The following SERPINF2 variants were observed in gnomAD, a reference collection of about 807,000 sequenced individuals.
SERPINF2 encodes serpin family F member 2.
SERPINF2 carries 15 observed loss-of-function variants against 45.0 expected under a neutral mutation model. The ratio of observed to expected loss-of-function variants is 0.33; its 90% CI spans 0.22 to 0.51. The LOEUF is 0.51. Ranked by LOEUF, SERPINF2 falls within the 20% of genes least tolerant of loss-of-function variation. SERPINF2 has a pLI of 0.97. For missense variants in SERPINF2, 518 were observed against 637.4 expected, an observed-to-expected ratio of 0.81 and a Z score of 2.02; for synonymous variants, 283 against 277.9, an observed-to-expected ratio of 1.02 and a Z score of -0.18.
intron 7 of SERPINF2, among the ~76,000 whole-genome samples, chr17:1,748,144 C>T (rs943517570): frequency 6.6e-6 from 1 of 151,734 alleles, no homozygotes; most frequent in Non-Finnish European, 1.5e-5. Context: ...GCTAAAAATA[C>T]AAAAAAATTA....
Position 1,745,985 on chromosome 17 carries a change from G to C in SERPINF2, c.367+76G>C. 6.6e-7 allele frequency: 1 copy of C among 1,512,180 alleles called. No homozygotes were observed. Among genetic ancestry groups the C allele is most frequent in the Non-Finnish European group, 9.2e-7 (1 of 1,088,670 alleles). The allele number at this position is 1,512,180 out of a possible 1,614,324, so 93.7% of individuals were successfully genotyped here. A position where few individuals can be genotyped will look rare whatever the true frequency, so the allele number is the denominator to read the frequency against. ...ACTCAGTACTCCAATGGTTCTCCGC[G>C]GGCGGTTCCTCCACCAGGGTCACGT... On this transcript the variant is annotated intron_variant, in intron 5 of 9. Coordinates refer to ENST00000453066, the MANE Select transcript of SERPINF2 (RefSeq NM_000934.4). The surrounding 1 kb of genome is among the most constrained non-coding windows in gnomAD (Gnocchi z 6.2).
At position 1,745,155 on chromosome 17, in the gene SERPINF2, C is replaced by T. The variant is rs1454988758; in HGVS notation, c.64-20C>T. 1 of 1,579,888 alleles carries T rather than the reference C, an allele frequency of 6.3e-7. No individual in the cohort carries two copies. Among genetic ancestry groups the T allele is most frequent in the African/African-American group, 1.4e-5 (1 of 73,980 alleles). On this transcript the variant is annotated intron_variant, in intron 2 of 9. Transcript: ENST00000453066. The surrounding 1 kb of genome is among the most constrained non-coding windows in gnomAD (Gnocchi z 6.2). ...GCTTGGCTCCGAGGGGACCTCCTAT[C>T]CTCATCCCTTTCTCCACAGTTCTCC...
chr17:1,745,608 A>G lies in SERPINF2; in HGVS notation c.166-100A>G. The G allele has an allele frequency of 7.5e-7, 1 of 1,325,062 alleles. No individual in the cohort carries two copies. The highest frequency in any genetic ancestry group is 1.1e-6 in the Non-Finnish European group (1 of 938,942). The allele number at this position is 1,325,062 out of a possible 1,614,324, so 82.1% of individuals were successfully genotyped here. A position where few individuals can be genotyped will look rare whatever the true frequency, so the allele number is the denominator to read the frequency against. On this transcript the variant is annotated intron_variant, in intron 4 of 9. Coordinates refer to ENST00000453066, the MANE Select transcript of SERPINF2 (RefSeq NM_000934.4). The surrounding 1 kb of genome is among the most constrained non-coding windows in gnomAD (Gnocchi z 6.2). ...CTCCCTCTTCCCTGGGGCTGGGACA[A>G]GGCCCTGCTGTCCTCAGGCACAGGG... is the stretch of plus-strand genomic sequence containing the variant.
Position 1,754,674 on chromosome 17 carries a change from GGAGTTTAGGGT to G in SERPINF2, c.*142_*152del. ...GCCATTCTTTCCCAACACCTCTTGG[GGAGTTTAGGGT>G]GGGGGGGGGGCGCGGCTGGGAGGAG... is the stretch of plus-strand genomic sequence containing the variant. On this transcript the variant is annotated 3_prime_UTR_variant, in exon 10 of 10. Transcript: ENST00000453066. 4.2e-6 allele frequency: 2 copies of G among 473,430 alleles called. No individual in the cohort carries two copies. The highest frequency in any genetic ancestry group is 6.7e-6 in the Non-Finnish European group (2 of 298,112). 29.3% of individuals were successfully genotyped at this position (473,430 alleles called of 1,614,324 possible).
At chr17:1,748,872 C>G (rs960985173) in intron 8 of SERPINF2, 132 bp downstream of exon 8, 49 of 740,146 alleles carry the variant, frequency 6.6e-5, no homozygotes, top group Non-Finnish European at 1.0e-4. Context: ...CCTAGGCAGG[C>G]AACTGCAAAA....
At chr17:1,746,059 C>G in intron 5 of SERPINF2, 150 bp downstream of exon 5, 1 of 878,926 alleles carries the variant, frequency 1.1e-6, no homozygotes, top group Admixed American at 1.9e-5. Context: ...GTGGCTCACG[C>G]CTGTAATCCC....
At chr17:1,744,597 C>T in intron 1 of SERPINF2, 1 of 985,364 alleles carries the variant, frequency 1.0e-6, no homozygotes, top group East Asian at 1.1e-4. Flanking sequence ...CAAGGTAAGG[C>T]CAAGCCTGGT....
At position 1,747,132 on chromosome 17, in the gene SERPINF2, C is replaced by T. The variant is rs992515917; in HGVS notation, c.481C>T (p.Arg161Ter). ...CCAGGACCTGGGCCCCGGCGCGTTC[C>T]GACTGGCTGCCAGGATGTACCTGCA... ...LCQDLGPGAF[R>*]LAARMYLQKG... The change falls in exon 6 of 10, where the codon CGA (arginine) becomes TGA (stop). Residue 161 changes from arginine (R) to a stop codon, truncating the protein, a stop_gained. Coordinates refer to ENST00000453066, the MANE Select transcript of SERPINF2 (RefSeq NM_000934.4). LOFTEE classifies it high-confidence loss of function. 3.7e-6 allele frequency: 6 copies of T among 1,611,846 alleles called. No individual in the cohort carries two copies. The highest frequency in any genetic ancestry group is 1.7e-5 in the Admixed American group (1 of 59,990).
intron 8 of SERPINF2, among the ~76,000 whole-genome samples, chr17:1,751,062 G>A (rs1033088329): frequency 5.9e-5 from 9 of 152,186 alleles, no homozygotes; most frequent in Non-Finnish European, 1.2e-4. Flanking sequence ...TTCTCCACAC[G>A]GGTACTCTGC....
At position 1,747,007 on chromosome 17, in the gene SERPINF2, G is replaced by A. The variant is rs767152903; in HGVS notation, c.368-12G>A. 6.2e-7 allele frequency: 1 copy of A among 1,603,204 alleles called. No homozygotes were observed. The highest frequency in any genetic ancestry group is 8.5e-7 in the Non-Finnish European group (1 of 1,179,060). On this transcript the variant is annotated splice_polypyrimidine_tract_variant and intron_variant, in intron 5 of 9. Transcript: ENST00000453066. ...CCCGCAGCCGGGCCTCAGCCTGTGC[G>A]GTGCCCTCCAGGTGCTCAGAACCAC... is the stretch of plus-strand genomic sequence containing the variant.
In SERPINF2 at chr17:1,753,615, G is replaced by A. The variant is rs192473189; in HGVS notation, c.1064-507G>A. ...GCAGGAGAATTGCTTGAACCTGGGA[G>A]GAGGAGGTTGCAGTGAGCCGAGATC... On this transcript the variant is annotated intron_variant, in intron 9 of 9. Coordinates refer to ENST00000453066, the MANE Select transcript of SERPINF2 (RefSeq NM_000934.4). Among the ~76,000 whole-genome samples, 22 of 152,324 alleles carry A rather than the reference G, an allele frequency of 1.4e-4. No homozygotes were observed. The East Asian group carries it at 3.3e-3, about 23-fold the overall frequency.
intron 8 of SERPINF2, among the ~76,000 whole-genome samples, chr17:1,751,958 G>T (rs1162240996): frequency 7.2e-6 from 1 of 138,704 alleles, no homozygotes; most frequent in Non-Finnish European, 1.6e-5. Context: ...GATTCCTTAC[G>T]CCGGGTCACA....
rs1210942008 is a variant in SERPINF2, at chr17:1,754,699, G to A, written c.*165G>A. 8 of 524,084 alleles carry A rather than the reference G, an allele frequency of 1.5e-5. No individual in the cohort carries two copies. Among genetic ancestry groups the A allele is most frequent in the African/African-American group, 1.0e-4 (5 of 49,710 alleles). 32.5% of individuals were successfully genotyped at this position (524,084 alleles called of 1,614,324 possible). A position where few individuals can be genotyped will look rare whatever the true frequency, so the allele number is the denominator to read the frequency against. On this transcript the variant is annotated 3_prime_UTR_variant, in exon 10 of 10. Coordinates refer to ENST00000453066, the MANE Select transcript of SERPINF2 (RefSeq NM_000934.4). ...GGAGTTTAGGGTGGGGGGGGGGCGC[G>A]GCTGGGAGGAGGGCAGGCATCGGGG...
chr17:1,744,917 G>A (rs1476614562), intron 1 of SERPINF2, 75 bp from the exon 2 acceptor site: 1 of 1,609,632 alleles, frequency 6.2e-7, no homozygotes, highest in Non-Finnish European at 8.5e-7. Context: ...GGCGTTATCT[G>A]TGATCGCGTG....
chr17:1,751,662 A>G (rs985890636), intron 8 of SERPINF2, among the ~76,000 whole-genome samples: 4 of 136,662 alleles, frequency 2.9e-5, no homozygotes, highest in Non-Finnish European at 5.0e-5. Context: ...GCTGAGGCAG[A>G]AGAATGGCGT....
chr17:1,747,647 C>T (rs1457640374), intron 7 of SERPINF2, 135 bp downstream of exon 7: 2 of 942,554 alleles, frequency 2.1e-6, no homozygotes, highest in African/African-American at 1.6e-5. Flanking sequence ...TCCCTGCAAC[C>T]TCCGCCTCCC....
In SERPINF2 at chr17:1,752,783, C is replaced by A; in HGVS notation, c.1056C>A (p.Ser352Arg). ...KHQMDLVATL[S>R]QLGLQELFQA... Reference sequence around the variant, plus strand: ...AAATGGACCTGGTGGCCACCCTCAGCCAGCTGGGTAAGGAGGAGGGTGCGG... The same window carrying A: ...AAATGGACCTGGTGGCCACCCTCAGACAGCTGGGTAAGGAGGAGGGTGCGG... Residue 352 changes from serine (S) to arginine (R), a missense_variant, in exon 9 of 10, where the codon AGC (serine) becomes AGA (arginine). Ser to Arg is a moderately radical substitution (Grantham distance 110). Coordinates refer to ENST00000453066, the MANE Select transcript of SERPINF2 (RefSeq NM_000934.4). 6.2e-7 allele frequency: 1 copy of A among 1,609,230 alleles called. No individual in the cohort carries two copies. The highest frequency in any genetic ancestry group is 1.1e-5 in the South Asian group (1 of 90,588).
In SERPINF2 at chr17:1,752,804, T is replaced by A. The variant is rs371609833; in HGVS notation, c.1063+14T>A. On this transcript the variant is annotated intron_variant, in intron 9 of 9. Coordinates refer to ENST00000453066, the MANE Select transcript of SERPINF2 (RefSeq NM_000934.4). ...TCAGCCAGCTGGGTAAGGAGGAGGG[T>A]GCGGGCGAGCCCCCGAGGTCAGGCT... 3,345 of 1,591,402 alleles carry A rather than the reference T, an allele frequency of 2.1e-3. 5 individuals carry two copies. Among genetic ancestry groups the A allele is most frequent in the Non-Finnish European group, 2.5e-3 (2,939 of 1,169,402 alleles).
chr17:1,752,140 C>T (rs1286774893), intron 8 of SERPINF2, among the ~76,000 whole-genome samples: 1 of 151,142 alleles, frequency 6.6e-6, no homozygotes, highest in Non-Finnish European at 1.5e-5. Context: ...CAACCTCTGC[C>T]TCCCGGGTTC....
Sources: allele counts gnomAD v4.1 joint callset (sites outside exome capture counted in the v4.1 genomes callset), GRCh38; gene constraint gnomAD v4.1.1; non-coding constraint Gnocchi (gnomAD v3.1); transcripts MANE v1.5; gene names NCBI Gene and HGNC (gene_info 2026-07-23, HGNC 2026-07-21).